Variants in LGSN observed in about 807,000 individuals in gnomAD.
LGSN encodes lengsin, lens protein with glutamine synthetase domain, also known as lengsin.
A neutral mutation model predicts 19.5 loss-of-function variants in LGSN; 21 were observed. The ratio of observed to expected loss-of-function variants is 1.07; its 90% CI spans 0.76 to 1.55. LGSN has a LOEUF of 1.55. Ranked by LOEUF, LGSN falls within the 40% of genes most tolerant of loss-of-function variation. The pLI, the probability that LGSN is intolerant of heterozygous loss-of-function variation, is 0.00. For synonymous variants in LGSN, 257 were observed against 215.6 expected, an observed-to-expected ratio of 1.19 and a Z score of -1.68; for missense variants, 673 against 608.5, an observed-to-expected ratio of 1.11 and a Z score of -1.12.
chr6:63,446,434 A>T, the LGSN span, among the ~76,000 whole-genome samples: 1 of 152,006 alleles, frequency 6.6e-6, no homozygotes, highest in Non-Finnish European at 1.5e-5. Context: ...TAAGAACTTC[A>T]CACCCGATAT....
chr6:63,497,663 C>G, the LGSN span, among the ~76,000 whole-genome samples: 1 of 152,086 alleles, frequency 6.6e-6, no homozygotes, highest in African/African-American at 2.4e-5. Flanking sequence ...CTATTTTTTC[C>G]ACATTCAGCT....
chr6:63,464,993 T>A, the LGSN span, among the ~76,000 whole-genome samples: 1 of 144,432 alleles, frequency 6.9e-6, no homozygotes, highest in Non-Finnish European at 1.5e-5. Flanking sequence ...ACCATTGCAC[T>A]ATAGCCTGGG....
At chr6:63,362,195 T>C in the LGSN span, among the ~76,000 whole-genome samples, 2 of 152,170 alleles carry the variant, frequency 1.3e-5, no homozygotes, top group African/African-American at 4.8e-5. Context: ...AGAAGGAGTA[T>C]ACTCTAAAAT....
chr6:63,458,806 A>G, the LGSN span, among the ~76,000 whole-genome samples: 177 of 152,370 alleles, frequency 1.2e-3, no homozygotes, highest in Non-Finnish European at 1.7e-3. Flanking sequence ...TCAGTAAAAC[A>G]CGAATCAAAT....
chr6:63,568,629 C>G, the LGSN span, among the ~76,000 whole-genome samples: 3 of 149,288 alleles, frequency 2.0e-5, no homozygotes, highest in African/African-American at 7.4e-5. Flanking sequence ...ACTTGCTCGA[C>G]AAAAAGCTGT....
At chr6:63,549,417 C>T in the LGSN span, 1 of 751,136 alleles carries the variant, frequency 1.3e-6, no homozygotes, top group Non-Finnish European at 2.4e-6. Flanking sequence ...GTTTCTCAAA[C>T]AGGGGATTCA....
At chr6:63,312,263 G>A (rs1768660846) in intron 1 of LGSN, among the ~76,000 whole-genome samples, 1 of 152,138 alleles carries the variant, frequency 6.6e-6, no homozygotes, top group Admixed American at 6.5e-5. Context: ...ATAAACATGG[G>A]AGTGTAGATA....
the LGSN span, chr6:63,571,220 A>G: frequency 3.9e-5 from 6 of 152,328 alleles, no homozygotes; most frequent in African/African-American, 9.6e-5. Flanking sequence ...TTGAATAACT[A>G]TACAACCAGT....
the LGSN span, among the ~76,000 whole-genome samples, chr6:63,551,858 C>A: frequency 6.6e-6 from 1 of 152,152 alleles, no homozygotes; most frequent in African/African-American, 2.4e-5. Context: ...CACGTCCCTA[C>A]AAAGGACATG....
upstream of LGSN, among the ~76,000 whole-genome samples, chr6:63,320,651 T>A (rs114093405): frequency 1.4e-3 from 208 of 152,352 alleles, no homozygotes; most frequent in African/African-American, 4.5e-3. Flanking sequence ...GAATGCTTTC[T>A]CTTCACTAGT....
At chr6:63,403,083 T>TAGAG in the LGSN span, among the ~76,000 whole-genome samples, 11 of 145,304 alleles carry the variant, frequency 7.6e-5, no homozygotes, top group East Asian at 1.6e-3. Flanking sequence ...AGATAGATGA[T>TAGAG]AGAGAGAGAG....
At chr6:63,356,338 G>A in the LGSN span, among the ~76,000 whole-genome samples, 5 of 152,164 alleles carry the variant, frequency 3.3e-5, no homozygotes, top group South Asian at 2.1e-4. Context: ...TCAGGAGTTC[G>A]AGACCAGCCT....
the LGSN span, among the ~76,000 whole-genome samples, chr6:63,461,314 G>A: frequency 2.6e-5 from 4 of 152,136 alleles, no homozygotes; most frequent in African/African-American, 4.8e-5. Context: ...AGCCTTCCAC[G>A]GTGCTGGGAT....
chr6:63,478,397 T>C, the LGSN span, among the ~76,000 whole-genome samples: 1 of 152,140 alleles, frequency 6.6e-6, no homozygotes, highest in Non-Finnish European at 1.5e-5. Flanking sequence ...CATGGTTTCT[T>C]TTTGGGGGTG....
chr6:63,402,782 G>T, the LGSN span, among the ~76,000 whole-genome samples: 4 of 151,550 alleles, frequency 2.6e-5, no homozygotes, highest in South Asian at 2.1e-4. Flanking sequence ...AGCTATAAAG[G>T]TTTTCTTTTT....
At chr6:63,291,913 G>C (rs1401260681) in intron 2 of LGSN, among the ~76,000 whole-genome samples, 1 of 152,202 alleles carries the variant, frequency 6.6e-6, no homozygotes, top group African/African-American at 2.4e-5. Flanking sequence ...ATCCATCTAA[G>C]CCCTTGAAAT....
At chr6:63,480,968 TATATATATATATATATATAC>T in the LGSN span, among the ~76,000 whole-genome samples, 4 of 32,018 alleles carry the variant, frequency 1.2e-4, no homozygotes, top group South Asian at 1.0e-3. Context: ...TATATATATA[TATATATATATATATATATAC>T]ACACACACAT....
At chr6:63,454,515 A>C in the LGSN span, among the ~76,000 whole-genome samples, 1 of 147,202 alleles carries the variant, frequency 6.8e-6, no homozygotes, top group African/African-American at 2.5e-5. Context: ...TTCTGTCACA[A>C]GGGCTGGAGT....
At chr6:63,378,143 G>A in the LGSN span, among the ~76,000 whole-genome samples, 2 of 151,970 alleles carry the variant, frequency 1.3e-5, no homozygotes, top group Non-Finnish European at 2.9e-5. Context: ...CCAAGGAACT[G>A]AAAGAATTTC....
Sources: allele counts gnomAD v4.1 joint callset (sites outside exome capture counted in the v4.1 genomes callset), GRCh38; gene constraint gnomAD v4.1.1; transcripts MANE v1.5; gene names NCBI Gene and HGNC (gene_info 2026-07-23, HGNC 2026-07-21).